The following SAMD5 variants were observed in gnomAD, a reference collection of about 807,000 sequenced individuals.
SAMD5 encodes the protein sterile alpha motif domain-containing protein 5.
SAMD5 carries 13 observed loss-of-function variants against 11.3 expected under a neutral mutation model. That is an observed-to-expected ratio of 1.15 (90% CI 0.75 to 1.83). SAMD5 has a LOEUF of 1.83. Among genes scored for constraint, SAMD5 ranks in the 40% most tolerant of loss-of-function variants. SAMD5 has a pLI of 0.00. For synonymous variants in SAMD5, 129 were observed against 111.3 expected, an observed-to-expected ratio of 1.16 and a Z score of -1.00; for missense variants, 255 against 239.1, an observed-to-expected ratio of 1.07 and a Z score of -0.44.
the SAMD5 span, among the ~76,000 whole-genome samples, chr6:147,827,966 A>ATT: frequency 0.073 from 10,402 of 142,804 alleles, 465 homozygotes; most frequent in Non-Finnish European, 0.1. Context: ...ATTTTTCTGT[A>ATT]TTTTTTTTTT....
At chr6:147,863,701 T>TG in the SAMD5 span, among the ~76,000 whole-genome samples, 1 of 152,040 alleles carries the variant, frequency 6.6e-6, no homozygotes, top group East Asian at 1.9e-4. Flanking sequence ...CCTTTCACGA[T>TG]GAACCTGACA....
intron 1 of SAMD5, among the ~76,000 whole-genome samples, chr6:147,664,004 A>G (rs566637114): frequency 7.2e-5 from 11 of 151,992 alleles, no homozygotes; most frequent in African/African-American, 2.4e-4. Flanking sequence ...GAACAAACGT[A>G]AGCTTAGAAG....
intron 1 of SAMD5, among the ~76,000 whole-genome samples, chr6:147,558,521 C>A (rs904528821): frequency 2.0e-5 from 3 of 152,138 alleles, no homozygotes; most frequent in African/African-American, 7.2e-5. Flanking sequence ...TCCAGACAAT[C>A]CAATCTAAAC....
the SAMD5 span, among the ~76,000 whole-genome samples, chr6:147,890,791 A>G: frequency 6.6e-6 from 1 of 152,112 alleles, no homozygotes; most frequent in African/African-American, 2.4e-5. Context: ...AATTTGTGTT[A>G]AAGATTAGAT....
chr6:147,551,897 C>CCAAATT (rs71270323), intron 1 of SAMD5, among the ~76,000 whole-genome samples: 49,622 of 146,800 alleles, frequency 0.34, 8,599 homozygotes, highest in East Asian at 0.55. Flanking sequence ...ACCTGAAAAA[C>CCAAATT]CAGTGTTTGG....
chr6:147,767,466 C>A, the SAMD5 span, among the ~76,000 whole-genome samples: 1 of 149,780 alleles, frequency 6.7e-6, no homozygotes, highest in Non-Finnish European at 1.5e-5. Flanking sequence ...TTTGTGTCTC[C>A]CCGAAACTCT....
At chr6:147,657,155 G>A (rs1790582928) in intron 1 of SAMD5, among the ~76,000 whole-genome samples, 1 of 152,026 alleles carries the variant, frequency 6.6e-6, no homozygotes, top group Admixed American at 6.6e-5. Context: ...GAGAGTATAA[G>A]GAAGCTACGT....
chr6:147,600,983 A>G (rs538516230), intron 1 of SAMD5, among the ~76,000 whole-genome samples: 2 of 152,340 alleles, frequency 1.3e-5, no homozygotes, highest in Admixed American at 1.3e-4. Context: ...AGAATCTTCA[A>G]AAACACAGGT....
chr6:147,942,823 C>CTTCT, the SAMD5 span, among the ~76,000 whole-genome samples: 2 of 128,850 alleles, frequency 1.6e-5, no homozygotes, highest in Admixed American at 1.6e-4. Flanking sequence ...CCCAATGCTT[C>CTTCT]TTTTTTTTTT....
chr6:147,803,085 AT>A, the SAMD5 span, among the ~76,000 whole-genome samples: 6 of 151,746 alleles, frequency 4.0e-5, no homozygotes, highest in African/African-American at 1.5e-4. Context: ...CATATACTAA[AT>A]ACTTCTTTTC....
chr6:147,634,927 G>A (rs147048892), intron 1 of SAMD5, among the ~76,000 whole-genome samples: 21 of 87,200 alleles, frequency 2.4e-4, no homozygotes, highest in African/African-American at 6.1e-4. Flanking sequence ...GAGACATGAA[G>A]CCACTTAGTA....
Position 147,569,809 on chromosome 6 carries a change from C to G in SAMD5, c.*5353C>G. 3.0e-6 allele frequency: 3 copies of G among 985,250 alleles called. No homozygotes were observed. Among genetic ancestry groups the G allele is most frequent in the Non-Finnish European group, 3.6e-6 (3 of 829,770 alleles). 61.0% of individuals were successfully genotyped at this position (985,250 alleles called of 1,614,324 possible). A position where few individuals can be genotyped will look rare whatever the true frequency, so the allele number is the denominator to read the frequency against. On this transcript the variant is annotated 3_prime_UTR_variant, in exon 2 of 2. Transcript: ENST00000367474. ...CTGAGTAGCGAAGCACAGATTCACT[C>G]TAATTGAAAGCAGCAGTTTGGTTTT...
Position 147,547,740 on chromosome 6 carries a change from C to G in SAMD5, c.460-16654C>G, listed in dbSNP as rs1263262626. ...TCACAGGCTCCACCCACACTCGAAA[C>G]GGAGGGGATTACACAAGAAGAGGAA... is the stretch of plus-strand genomic sequence containing the variant. On this transcript the variant is annotated intron_variant, in intron 1 of 1. Coordinates refer to ENST00000367474, the MANE Select transcript of SAMD5 (RefSeq NM_001030060.3). Among the ~76,000 whole-genome samples, 3 of 152,188 alleles carry G rather than the reference C, an allele frequency of 2.0e-5. No homozygotes were observed. In the East Asian group the frequency reaches 5.8e-4, roughly 29 times the overall value.
the SAMD5 span, among the ~76,000 whole-genome samples, chr6:147,790,662 A>C: frequency 2.0e-5 from 3 of 152,090 alleles, no homozygotes; most frequent in Non-Finnish European, 4.4e-5. Flanking sequence ...GCTGGGGAAG[A>C]TCTGCCTTCA....
At chr6:147,556,457 C>T (rs1436797596) in intron 1 of SAMD5, among the ~76,000 whole-genome samples, 3 of 152,178 alleles carry the variant, frequency 2.0e-5, no homozygotes, top group Non-Finnish European at 2.9e-5. Context: ...ATTTAAAACA[C>T]AGTACATATC....
chr6:147,877,700 A>G, the SAMD5 span, among the ~76,000 whole-genome samples: 2 of 152,018 alleles, frequency 1.3e-5, no homozygotes, highest in Non-Finnish European at 1.5e-5. Context: ...AGGCCTTAAG[A>G]AAAAAGACTG....
chr6:147,519,796 T>C (rs538033785), intron 1 of SAMD5, among the ~76,000 whole-genome samples: 1 of 152,338 alleles, frequency 6.6e-6, no homozygotes, highest in East Asian at 1.9e-4. Context: ...TTGAAGCTTA[T>C]ACAAACCATG....
At chr6:147,541,455 C>G (rs181344827) in intron 1 of SAMD5, among the ~76,000 whole-genome samples, 236 of 152,276 alleles carry the variant, frequency 1.5e-3, no homozygotes, top group African/African-American at 5.2e-3. Flanking sequence ...AACTTTTTCC[C>G]GTTGGTCCCT....
At chr6:147,533,416 C>T (rs1183979995) in intron 1 of SAMD5, among the ~76,000 whole-genome samples, 5 of 145,268 alleles carry the variant, frequency 3.4e-5, no homozygotes, top group South Asian at 2.2e-4. Flanking sequence ...AAGCCGAGAT[C>T]GCGCCATTGC....
Sources: gnomAD v4.1 joint callset for allele counts (sites outside exome capture counted in the v4.1 genomes callset) on GRCh38, gnomAD v4.1.1 for gene constraint, MANE v1.5 for transcripts, NCBI Gene and HGNC (gene_info 2026-07-23, HGNC 2026-07-21) for gene names.